TPH2: variants seen among roughly 807,000 people sequenced by gnomAD.
TPH2 encodes the protein tryptophan hydroxylase 2, also known as tryptophan 5-hydroxylase 2.
In TPH2, 27 loss-of-function variants were observed where a neutral mutation model predicts 59.1. The observed-to-expected ratio is 0.46, with a 90% confidence interval of 0.34 to 0.63. TPH2 has a LOEUF of 0.63. Among genes scored for constraint, TPH2 ranks in the 30% least tolerant of loss-of-function variants. The probability of loss-of-function intolerance (pLI) is 0.01; values close to 1 mark genes in which losing one functional copy is unlikely to be tolerated. For missense variants in TPH2, 523 were observed against 588.3 expected (o/e 0.89, Z 1.15); for synonymous variants, 220 against 210.5 (o/e 1.05, Z -0.39).
At chr12:71,966,204 T>C (rs1338347617) in intron 5 of TPH2, among the ~76,000 whole-genome samples, 1 of 152,016 alleles carries the variant, frequency 6.6e-6, no homozygotes, top group Non-Finnish European at 1.5e-5. Context: ...AAGAGACCAC[T>C]AGCCTTGATG....
intron 8 of TPH2, among the ~76,000 whole-genome samples, chr12:72,005,711 G>A (rs909705159): frequency 2.0e-5 from 3 of 152,284 alleles, no homozygotes; most frequent in Middle Eastern, 3.4e-3. Flanking sequence ...ACTAAGTTCC[G>A]AAGTGTTTTA....
chr12:71,942,434 A>G (rs1438445183), intron 2 of TPH2, among the ~76,000 whole-genome samples: 2 of 152,084 alleles, frequency 1.3e-5, no homozygotes, highest in African/African-American at 4.8e-5. Context: ...TTACAAATGC[A>G]TTTTGTTTGG....
At position 71,978,880 on chromosome 12, in the gene TPH2, T is replaced by C. The variant is rs1007289511; in HGVS notation, c.806-72T>C. 3.2e-6 allele frequency: 5 copies of C among 1,582,150 alleles called. No homozygotes were observed. In the African/African-American group the frequency reaches 4.0e-5, roughly 13 times the overall value. On this transcript the variant is annotated intron_variant, in intron 6 of 10. Transcript: ENST00000333850. Reference sequence around the variant, plus strand: ...GTTTCTGGATCTTCCTTATAAATAGTAGAAGCTCCTGCTTGGGCCCTCAAG... The same window carrying C: ...GTTTCTGGATCTTCCTTATAAATAGCAGAAGCTCCTGCTTGGGCCCTCAAG...
Position 72,031,705 on chromosome 12 carries a change from C to G in TPH2, c.*10C>G. On this transcript the variant is annotated 3_prime_UTR_variant, in exon 11 of 11. Transcript: ENST00000333850. ...ATATCTGGGGATTTGATGCCTGGAA[C>G]TATGTTGTTGCCAGCATGATCTTTT... 6.2e-7 allele frequency: 1 copy of G among 1,613,238 alleles called. No individual in the cohort carries two copies. Among genetic ancestry groups the G allele is most frequent in the Non-Finnish European group, 8.5e-7 (1 of 1,179,260 alleles).
At chr12:71,970,873 G>A (rs1232968842) in intron 5 of TPH2, among the ~76,000 whole-genome samples, 1 of 152,184 alleles carries the variant, frequency 6.6e-6, no homozygotes, top group Non-Finnish European at 1.5e-5. Context: ...TTCAGAGAAA[G>A]CAAATGTGAA....
Position 71,954,329 on chromosome 12 carries a change from G to A in TPH2, c.608+4674G>A, listed in dbSNP as rs371535920. 2.6e-5 allele frequency among the ~76,000 whole-genome samples: 4 copies of A among 152,112 alleles called. No homozygotes were observed. The East Asian group carries it at 5.8e-4, about 22-fold the overall frequency. On this transcript the variant is annotated intron_variant, in intron 5 of 10. Coordinates refer to ENST00000333850, the MANE Select transcript of TPH2 (RefSeq NM_173353.4). ...GCCTAATTGCCTCACCAATAATAGC[G>A]CAGGAAACACTCATTAGTGCAAATA...
At chr12:71,988,665 G>A (rs1872507598) in intron 7 of TPH2, among the ~76,000 whole-genome samples, 1 of 152,154 alleles carries the variant, frequency 6.6e-6, no homozygotes. Flanking sequence ...CAACATTGGG[G>A]TTTACATTTT....
At chr12:72,004,678 G>A (rs888479062) in intron 8 of TPH2, among the ~76,000 whole-genome samples, 1 of 152,172 alleles carries the variant, frequency 6.6e-6, no homozygotes, top group Non-Finnish European at 1.5e-5. Flanking sequence ...TCTTAGACTT[G>A]TATTAACAGA....
At chr12:71,994,632 G>A (rs1872651892) in intron 8 of TPH2, 67 bp downstream of exon 8, 2 of 1,582,950 alleles carry the variant, frequency 1.3e-6, no homozygotes, top group East Asian at 2.2e-5. Flanking sequence ...AAAGCTTCAG[G>A]ATTATTGACT....
intron 8 of TPH2, among the ~76,000 whole-genome samples, chr12:72,000,416 G>A (rs1481199572): frequency 6.6e-6 from 1 of 152,164 alleles, no homozygotes; most frequent in African/African-American, 2.4e-5. Flanking sequence ...TTCTCAAAAT[G>A]TGATGTATAC....
At chr12:72,009,669 A>G (rs1378347276) in intron 8 of TPH2, among the ~76,000 whole-genome samples, 1 of 152,220 alleles carries the variant, frequency 6.6e-6, no homozygotes, top group Non-Finnish European at 1.5e-5. Flanking sequence ...TTGGCTTTCA[A>G]CAGTCCTGTG....
chr12:71,943,949 A>G (rs1461262273), intron 2 of TPH2, among the ~76,000 whole-genome samples: 1 of 152,138 alleles, frequency 6.6e-6, no homozygotes, highest in Admixed American at 6.6e-5. Context: ...ACATGATAAT[A>G]TAATAAATAA....
intron 4 of TPH2, among the ~76,000 whole-genome samples, chr12:71,945,668 A>C (rs755746858): frequency 9.9e-5 from 15 of 152,182 alleles, no homozygotes; most frequent in Non-Finnish European, 1.8e-4. Flanking sequence ...TTGTTTTAAC[A>C]AGCCCGCCCT....
chr12:72,031,395 A>C lies in TPH2; in HGVS notation c.1298+4A>C. 1 of 1,613,582 alleles carries C rather than the reference A, an allele frequency of 6.2e-7. No homozygotes were observed. Among genetic ancestry groups the C allele is most frequent in the South Asian group, 1.1e-5 (1 of 91,056 alleles). ...AAGAAGCCAAAGAAAAGATGAGGTAAACTTTTTTTTCCTCCTAGCTAGAGA... is the reference window on the plus strand; with the variant it reads ...AAGAAGCCAAAGAAAAGATGAGGTACACTTTTTTTTCCTCCTAGCTAGAGA... On this transcript the variant is annotated splice_donor_region_variant and intron_variant, in intron 10 of 10. Transcript: ENST00000333850.
At chr12:71,975,396 CA>C (rs1469250811) in intron 6 of TPH2, among the ~76,000 whole-genome samples, 1 of 152,044 alleles carries the variant, frequency 6.6e-6, no homozygotes, top group Admixed American at 6.5e-5. Flanking sequence ...TTGGGGTGTA[CA>C]AAAACAGGCA....
chr12:71,947,549 GGAACATATTTATACT>G (rs1871229050), intron 4 of TPH2, among the ~76,000 whole-genome samples: 1 of 151,412 alleles, frequency 6.6e-6, no homozygotes, highest in Non-Finnish European at 1.5e-5. Context: ...TGCAATACTT[GGAACATATTTATACT>G]AAAAAGATTA....
chr12:72,018,198 A>G (rs1428863894), intron 8 of TPH2, among the ~76,000 whole-genome samples: 1 of 152,210 alleles, frequency 6.6e-6, no homozygotes, highest in Non-Finnish European at 1.5e-5. Flanking sequence ...GGGAATGAGC[A>G]GATGGCACTA....
At chr12:72,002,330 GAGAGAC>G (rs1872845182) in intron 8 of TPH2, among the ~76,000 whole-genome samples, 1 of 152,148 alleles carries the variant, frequency 6.6e-6, no homozygotes, top group Non-Finnish European at 1.5e-5. Flanking sequence ...GGGAGGGGGA[GAGAGAC>G]AGAGACAGAG....
At chr12:71,939,677 G>A (rs2139174208) in intron 1 of TPH2, among the ~76,000 whole-genome samples, 1 of 152,160 alleles carries the variant, frequency 6.6e-6, no homozygotes, top group South Asian at 2.1e-4. Context: ...TTACTTGATG[G>A]AATAATGAAA....
Sources: allele counts gnomAD v4.1 joint callset (sites outside exome capture counted in the v4.1 genomes callset), GRCh38; gene constraint gnomAD v4.1.1; transcripts MANE v1.5; gene names NCBI Gene and HGNC (gene_info 2026-07-23, HGNC 2026-07-21).